The following THSD7B variants were observed in gnomAD, a reference collection of about 807,000 sequenced individuals.
THSD7B encodes thrombospondin type 1 domain containing 7B, also known as thrombospondin type-1 domain-containing protein 7B.
A neutral mutation model predicts 213.6 loss-of-function variants in THSD7B; 138 were observed. The ratio of observed to expected loss-of-function variants is 0.65; its 90% CI spans 0.56 to 0.74. The LOEUF (loss-of-function observed/expected upper bound fraction) is 0.74, where lower values mean the gene tolerates loss of function less well. Among genes scored for constraint, THSD7B ranks in the 30% least tolerant of loss-of-function variants. THSD7B has a pLI of 0.00. For synonymous variants in THSD7B, 742 were observed against 687.0 expected, an observed-to-expected ratio of 1.08 and a Z score of -1.25; for missense variants, 1,931 against 1,991.5, an observed-to-expected ratio of 0.97 and a Z score of 0.58.
At chr2:137,019,676 T>C (rs1054986053) in intron 2 of THSD7B, among the ~76,000 whole-genome samples, 3 of 152,214 alleles carry the variant, frequency 2.0e-5, no homozygotes, top group Admixed American at 6.5e-5. Context: ...TAATTCTTTG[T>C]ATCTATTTTT....
chr2:136,937,267 G>C (rs1269537955), intron 2 of THSD7B, among the ~76,000 whole-genome samples: 2 of 151,622 alleles, frequency 1.3e-5, no homozygotes, highest in South Asian at 4.2e-4. Flanking sequence ...TTTCTGCTTG[G>C]TCATCTCTGT....
At chr2:137,255,927 G>A (rs1171745720) in intron 10 of THSD7B, among the ~76,000 whole-genome samples, 2 of 152,038 alleles carry the variant, frequency 1.3e-5, no homozygotes, top group African/African-American at 4.8e-5. Context: ...ACCTCCAGTG[G>A]TGCCTGGCCC....
chr2:137,339,634 G>A (rs4954498), intron 12 of THSD7B, among the ~76,000 whole-genome samples: 59,719 of 151,728 alleles, frequency 0.39, 13,907 homozygotes, highest in East Asian at 0.59. Context: ...GTGCTTTGAC[G>A]TAAGTGGTCA....
chr2:137,398,748 C>T (rs1453536183), intron 12 of THSD7B, among the ~76,000 whole-genome samples: 2 of 152,210 alleles, frequency 1.3e-5, no homozygotes, highest in African/African-American at 2.4e-5. Context: ...CAATGGTGGG[C>T]GCCCCTCCCC....
chr2:137,156,660 A>G (rs1332530052), intron 5 of THSD7B, among the ~76,000 whole-genome samples: 1 of 152,192 alleles, frequency 6.6e-6, no homozygotes, highest in Non-Finnish European at 1.5e-5. Context: ...CATAAGCATA[A>G]TATCTGTGGA....
chr2:136,948,128 T>C (rs956655155), intron 2 of THSD7B, among the ~76,000 whole-genome samples: 2 of 152,168 alleles, frequency 1.3e-5, no homozygotes, highest in African/African-American at 4.8e-5. Context: ...TTTTTTTAAA[T>C]GACTAAACCT....
chr2:137,070,504 TA>T (rs1468249035), intron 3 of THSD7B, among the ~76,000 whole-genome samples: 1 of 151,932 alleles, frequency 6.6e-6, no homozygotes. Context: ...GATAAATGCA[TA>T]CAAGTTGTGT....
chr2:137,118,304 G>T (rs1688480584), intron 5 of THSD7B, among the ~76,000 whole-genome samples: 1 of 152,126 alleles, frequency 6.6e-6, no homozygotes, highest in Non-Finnish European at 1.5e-5. Context: ...GCATTCCACA[G>T]TCCTTTCTCA....
At chr2:136,771,594 A>T (rs1446932157) in intron 1 of THSD7B, among the ~76,000 whole-genome samples, 1 of 152,138 alleles carries the variant, frequency 6.6e-6, no homozygotes, top group Non-Finnish European at 1.5e-5. Context: ...TCCAAATTAT[A>T]TCTATTAGTC....
intron 3 of THSD7B, among the ~76,000 whole-genome samples, chr2:137,071,604 T>C (rs1687490225): frequency 6.6e-6 from 1 of 152,212 alleles, no homozygotes. Flanking sequence ...GCCATTGCTT[T>C]TGGTGTTTTA....
intron 2 of THSD7B, among the ~76,000 whole-genome samples, chr2:136,897,412 T>C (rs1683979269): frequency 6.6e-6 from 1 of 151,576 alleles, no homozygotes; most frequent in Admixed American, 6.6e-5. Context: ...CAGTGAGTGT[T>C]ACAGCTCTTA....
intron 2 of THSD7B, among the ~76,000 whole-genome samples, chr2:136,962,400 T>TA (rs1685234854): frequency 7.7e-6 from 1 of 129,488 alleles, no homozygotes. Context: ...ATAAATCTGT[T>TA]ATCTTTTTTT....
intron 1 of THSD7B, among the ~76,000 whole-genome samples, chr2:136,835,357 T>G (rs1295056691): frequency 6.6e-6 from 1 of 152,218 alleles, no homozygotes; most frequent in East Asian, 1.9e-4. Context: ...CCATTTTTTC[T>G]TAGTTATTGA....
chr2:137,287,592 T>C (rs1338210911), intron 12 of THSD7B, among the ~76,000 whole-genome samples: 6 of 152,082 alleles, frequency 3.9e-5, no homozygotes, highest in Non-Finnish European at 5.9e-5. Context: ...CCTAAGGCAG[T>C]GATGCTTTAG....
At chr2:137,229,348 T>TGG (rs1026264883) in intron 7 of THSD7B, among the ~76,000 whole-genome samples, 14 of 137,374 alleles carry the variant, frequency 1.0e-4, no homozygotes, top group Admixed American at 4.9e-4. Flanking sequence ...AGTGCTGTAT[T>TGG]GGGTGTGTGT....
At chr2:136,833,806 A>C (rs1682798691) in intron 1 of THSD7B, among the ~76,000 whole-genome samples, 2 of 152,156 alleles carry the variant, frequency 1.3e-5, no homozygotes, top group Admixed American at 6.5e-5. Context: ...GAAGATGAAA[A>C]AGGTTTGATC....
At chr2:137,383,816 C>A (rs1194198273) in intron 12 of THSD7B, among the ~76,000 whole-genome samples, 1 of 152,162 alleles carries the variant, frequency 6.6e-6, no homozygotes, top group Non-Finnish European at 1.5e-5. Context: ...CAGCTCCCTG[C>A]CACTTGCCCA....
At chr2:137,541,305 G>GA (rs940372083) in intron 15 of THSD7B, among the ~76,000 whole-genome samples, 16 of 148,858 alleles carry the variant, frequency 1.1e-4, no homozygotes, top group East Asian at 4.0e-4. Flanking sequence ...ATGACACATG[G>GA]AAAAAAAAAA....
intron 15 of THSD7B, among the ~76,000 whole-genome samples, chr2:137,522,579 G>A (rs768686190): frequency 6.6e-6 from 1 of 151,540 alleles, no homozygotes; most frequent in Non-Finnish European, 1.5e-5. Flanking sequence ...AAGAGTAAAT[G>A]TGAGGGAACT....
Sources: gnomAD v4.1 joint callset for allele counts (sites outside exome capture counted in the v4.1 genomes callset) on GRCh38, gnomAD v4.1.1 for gene constraint, MANE v1.5 for transcripts, NCBI Gene and HGNC (gene_info 2026-07-23, HGNC 2026-07-21) for gene names.